Variants in ZCCHC7 observed in about 807,000 individuals in gnomAD.
ZCCHC7 encodes zinc finger CCHC-type containing 7, also known as zinc finger CCHC domain-containing protein 7.
Under a neutral mutation model 52.0 loss-of-function variants are expected in ZCCHC7, and 35 were observed. The ratio of observed to expected loss-of-function variants is 0.67; its 90% CI spans 0.51 to 0.89. The LOEUF is 0.89. Among genes scored for constraint, ZCCHC7 ranks in the 40% least tolerant of loss-of-function variants. The pLI is 0.00. For synonymous variants in ZCCHC7, 217 were observed against 221.5 expected (o/e 0.98, Z 0.18); for missense variants, 574 against 649.1 (o/e 0.88, Z 1.26).
Position 37,126,879 on chromosome 9 carries a change from G to A in ZCCHC7, c.547G>A (p.Val183Ile). Residue 183 changes from valine (V) to isoleucine (I), a missense_variant, in exon 2 of 9, where the codon GTA (valine) becomes ATA (isoleucine). Coordinates refer to ENST00000336755, the MANE Select transcript of ZCCHC7 (RefSeq NM_032226.3). Reference protein sequence around the residue: ...VESWMLLGCEVDDKDDDILLN... With the variant: ...VESWMLLGCEIDDKDDDILLN... The stretch of plus-strand genomic sequence containing the variant: ...AAGCTGGATGCTACTGGGATGTGAA[G>A]TAGATGATAAAGATGATGATATCCT... The A allele has an allele frequency of 6.2e-7, 1 of 1,614,186 alleles. No homozygotes were observed. The highest frequency in any genetic ancestry group is 8.5e-7 in the Non-Finnish European group (1 of 1,180,014).
chr9:37,261,383 A>C (rs1826860423), intron 2 of ZCCHC7, among the ~76,000 whole-genome samples: 1 of 152,204 alleles, frequency 6.6e-6, no homozygotes, highest in Non-Finnish European at 1.5e-5. Flanking sequence ...TTTGCTTCCC[A>C]CAGCATTTCT....
intron 2 of ZCCHC7, among the ~76,000 whole-genome samples, chr9:37,177,842 T>C (rs964409533): frequency 6.6e-6 from 1 of 151,990 alleles, no homozygotes; most frequent in Non-Finnish European, 1.5e-5. Flanking sequence ...TTAAAAACAA[T>C]GAAAGTCAGA....
At chr9:37,148,735 A>G (rs757029191) in intron 2 of ZCCHC7, among the ~76,000 whole-genome samples, 2 of 152,056 alleles carry the variant, frequency 1.3e-5, no homozygotes, top group Non-Finnish European at 2.9e-5. Context: ...AGGGGTTTAT[A>G]TATTTTCTAA....
intron 2 of ZCCHC7, among the ~76,000 whole-genome samples, chr9:37,286,262 TAAATC>T (rs1828203190): frequency 1.3e-5 from 2 of 152,294 alleles, no homozygotes; most frequent in Admixed American, 6.5e-5. Flanking sequence ...TTTTTGGTAT[TAAATC>T]AATTATTATT....
intron 2 of ZCCHC7, among the ~76,000 whole-genome samples, chr9:37,299,472 C>T (rs960806220): frequency 6.6e-6 from 1 of 152,258 alleles, no homozygotes; most frequent in Admixed American, 6.5e-5. Context: ...AGCAAATTAG[C>T]GGCACAGTTA....
chr9:37,164,960 A>G (rs184053119), intron 2 of ZCCHC7, among the ~76,000 whole-genome samples: 124 of 152,348 alleles, frequency 8.1e-4, no homozygotes, highest in African/African-American at 2.7e-3. Context: ...ATCCATTGAG[A>G]ATTGACATAT....
At chr9:37,223,284 T>C (rs1824922476) in intron 2 of ZCCHC7, among the ~76,000 whole-genome samples, 1 of 152,192 alleles carries the variant, frequency 6.6e-6, no homozygotes, top group Non-Finnish European at 1.5e-5. Flanking sequence ...ATGTGGTATC[T>C]ACATACAACT....
rs562430225 is a variant in ZCCHC7, at chr9:37,357,126, G to A, written c.1490G>A (p.Arg497His). 5.4e-5 allele frequency: 87 copies of A among 1,613,412 alleles called. No individual in the cohort carries two copies. The highest frequency in any genetic ancestry group is 1.7e-4 in the Middle Eastern group (1 of 6,058). ...CAGAAGCCTTCTAAGCCCTTTCACCGTTCATCACATTACCACACGTCAAGA... is the reference window on the plus strand; with the variant it reads ...CAGAAGCCTTCTAAGCCCTTTCACCATTCATCACATTACCACACGTCAAGA... Reference protein sequence around the residue: ...KTQKPSKPFHRSSHYHTSRED... With the variant: ...KTQKPSKPFHHSSHYHTSRED... The change falls in exon 9 of 9, where the codon CGT (arginine) becomes CAT (histidine). Residue 497 changes from arginine to histidine, a missense_variant. Coordinates refer to ENST00000336755, the MANE Select transcript of ZCCHC7 (RefSeq NM_032226.3).
At chr9:37,164,998 A>G (rs930816609) in intron 2 of ZCCHC7, among the ~76,000 whole-genome samples, 3 of 152,262 alleles carry the variant, frequency 2.0e-5, no homozygotes, top group African/African-American at 7.2e-5. Flanking sequence ...CCAGATCGTG[A>G]ACACGGTATA....
At chr9:37,236,486 C>T (rs901953308) in intron 2 of ZCCHC7, among the ~76,000 whole-genome samples, 27 of 151,584 alleles carry the variant, frequency 1.8e-4, no homozygotes, top group Non-Finnish European at 3.2e-4. Context: ...CCGCCTCCTG[C>T]GTTCACGCCA....
At chr9:37,151,661 C>T (rs1820537863) in intron 2 of ZCCHC7, among the ~76,000 whole-genome samples, 1 of 151,956 alleles carries the variant, frequency 6.6e-6, no homozygotes. Flanking sequence ...AAAAATTAGC[C>T]TGACGTGGTG....
chr9:37,136,950 T>C (rs976077369), intron 2 of ZCCHC7, among the ~76,000 whole-genome samples: 3 of 152,156 alleles, frequency 2.0e-5, no homozygotes, highest in African/African-American at 7.2e-5. Context: ...ACAACATGTC[T>C]CTAGTATGGT....
chr9:37,279,430 AC>A (rs1464487738), intron 2 of ZCCHC7, among the ~76,000 whole-genome samples: 2 of 152,098 alleles, frequency 1.3e-5, no homozygotes, highest in Non-Finnish European at 2.9e-5. Context: ...AGACAAAAAA[AC>A]ATAAGGACAT....
At chr9:37,122,189 G>A (rs1178979035) in intron 1 of ZCCHC7, among the ~76,000 whole-genome samples, 1 of 152,224 alleles carries the variant, frequency 6.6e-6, no homozygotes, top group Non-Finnish European at 1.5e-5. Context: ...TAGACTGTGA[G>A]AGCAGAAGGA....
At chr9:37,261,486 T>C (rs932479771) in intron 2 of ZCCHC7, among the ~76,000 whole-genome samples, 2 of 152,218 alleles carry the variant, frequency 1.3e-5, no homozygotes, top group South Asian at 2.1e-4. Flanking sequence ...ATATTTACAT[T>C]ATCACTTCCT....
intron 8 of ZCCHC7, among the ~76,000 whole-genome samples, chr9:37,356,538 C>T (rs1347553744): frequency 6.6e-6 from 1 of 152,226 alleles, no homozygotes; most frequent in Non-Finnish European, 1.5e-5. Flanking sequence ...ATTGGTCAGA[C>T]ATGACTTTTC....
At chr9:37,322,811 TC>T (rs754410003) in intron 5 of ZCCHC7, among the ~76,000 whole-genome samples, 1 of 152,066 alleles carries the variant, frequency 6.6e-6, no homozygotes, top group Non-Finnish European at 1.5e-5. Flanking sequence ...AAACTGAGTT[TC>T]TTCTAGGTTT....
In ZCCHC7 at chr9:37,356,897, G is replaced by C; in HGVS notation, c.1261G>C (p.Glu421Gln). The change falls in exon 9 of 9, where the codon GAG (glutamate) becomes CAG (glutamine). Residue 421 changes from glutamate to glutamine, a missense_variant. This residue lies in a region of ZCCHC7 where 168 missense variants were observed against 171.6 expected (regional missense o/e 0.98). Transcript: ENST00000336755. ...GCTACCTTATATAAAAGCAGCAAAT[G>C]AGAACCCCCACCATGATATAAGGAA... ...SKLPYIKAAN[E>Q]NPHHDIRKGR... 6.2e-7 allele frequency: 1 copy of C among 1,612,726 alleles called. No individual in the cohort carries two copies. Among genetic ancestry groups the C allele is most frequent in the Non-Finnish European group, 8.5e-7 (1 of 1,179,722 alleles).
At chr9:37,189,203 G>A (rs942192886) in intron 2 of ZCCHC7, among the ~76,000 whole-genome samples, 2 of 151,154 alleles carry the variant, frequency 1.3e-5, no homozygotes, top group African/African-American at 4.9e-5. Flanking sequence ...TATAATAGTG[G>A]CTTTAAAGTC....
Sources: allele counts gnomAD v4.1 joint callset (sites outside exome capture counted in the v4.1 genomes callset), GRCh38; gene constraint gnomAD v4.1.1; regional missense constraint gnomAD v4.1.1; transcripts MANE v1.5; gene names NCBI Gene and HGNC (gene_info 2026-07-23, HGNC 2026-07-21).